CCR9: variants seen among roughly 807,000 people sequenced by gnomAD.
CCR9 encodes the protein C-C chemokine receptor type 9.
In CCR9, 4 loss-of-function variants were observed where a neutral mutation model predicts 8.7. The observed-to-expected ratio is 0.46, with a 90% CI of 0.23 to 1.06. CCR9 has a LOEUF of 1.06. Ranked by LOEUF, CCR9 falls within the 50% of genes least tolerant of loss-of-function variation. The pLI, the probability that CCR9 is intolerant of heterozygous loss-of-function variation, is 0.21. For missense variants in CCR9, 394 were observed against 453.6 expected (o/e 0.87, Z 1.19); for synonymous variants, 159 against 168.8 (o/e 0.94, Z 0.45).
At chr3:45,891,753 T>C (rs890499011) in intron 1 of CCR9, among the ~76,000 whole-genome samples, 2 of 152,222 alleles carry the variant, frequency 1.3e-5, no homozygotes, top group Admixed American at 6.5e-5. Flanking sequence ...TTGTCCTGTC[T>C]CTTTAGTCTC....
intron 1 of CCR9, among the ~76,000 whole-genome samples, chr3:45,892,107 C>T (rs1433052120): frequency 6.6e-6 from 1 of 152,088 alleles, no homozygotes; most frequent in Non-Finnish European, 1.5e-5. Flanking sequence ...GCACTAGGTG[C>T]TAATTATGCT....
chr3:45,886,888 T>C (rs1701997856), intron 1 of CCR9, among the ~76,000 whole-genome samples: 1 of 152,140 alleles, frequency 6.6e-6, no homozygotes, highest in African/African-American at 2.4e-5. Context: ...TACATGAAGC[T>C]TAGGCTTAAG....
chr3:45,889,686 AT>A lies in CCR9; in HGVS notation c.-29+3044del, dbSNP rs199554946. Among the ~76,000 whole-genome samples the A allele has an allele frequency of 3.1e-3, 439 of 142,126 alleles. 2 individuals are homozygous for A. Among genetic ancestry groups the A allele is most frequent in the African/African-American group, 6.4e-3 (249 of 38,936 alleles). The allele number at this position is 142,126 out of a possible 152,430, so 93.2% of individuals were successfully genotyped here. A position where few individuals can be genotyped will look rare whatever the true frequency, so the allele number is the denominator to read the frequency against. ...AGCAGTGCAGTGTATGTCTTTTTCT[AT>A]TTTTTTTTTTTTAAAGATCACACAA... On this transcript the variant is annotated intron_variant, in intron 1 of 2. Coordinates refer to ENST00000357632, the MANE Select transcript of CCR9 (RefSeq NM_031200.3).
In CCR9 at chr3:45,901,784, G is replaced by T. The variant is rs1413798666; in HGVS notation, c.996G>T (p.Leu332=). Reference sequence around the variant, plus strand: ...TCCGCCGGGATCTCGTGAAAACCCTGAAGAACTTGGGTTGCATCAGCCAGG... The same window carrying T: ...TCCGCCGGGATCTCGTGAAAACCCTTAAGAACTTGGGTTGCATCAGCCAGG... The part of the protein sequence containing the change: ...ERFRRDLVKT[L]KNLGCISQAQ... Residue 332 remains leucine (L), a synonymous_variant, in exon 3 of 3, where the codon CTG becomes CTT. Coordinates refer to ENST00000357632, the MANE Select transcript of CCR9 (RefSeq NM_031200.3). The surrounding 1 kb of genome is among the most constrained non-coding windows in gnomAD (Gnocchi z 4.3). The T allele has an allele frequency of 6.2e-7, 1 of 1,614,174 alleles. No homozygotes were observed.
chr3:45,903,125 C>T lies in CCR9; in HGVS notation c.*1227C>T, dbSNP rs1702609476. The T allele has an allele frequency of 6.0e-6, 1 of 167,018 alleles. No individual in the cohort carries two copies. The highest frequency in any genetic ancestry group is 2.4e-5 in the African/African-American group (1 of 41,412). 10.3% of individuals were successfully genotyped at this position (167,018 alleles called of 1,614,324 possible). ...CATTAATTACTTGTCACTTTCTTTA[C>T]CCTGTCTCAATATTTTAAGTGTGTG... On this transcript the variant is annotated 3_prime_UTR_variant, in exon 3 of 3. Coordinates refer to ENST00000357632, the MANE Select transcript of CCR9 (RefSeq NM_031200.3).
intron 1 of CCR9, among the ~76,000 whole-genome samples, chr3:45,894,429 G>C (rs1414790366): frequency 6.6e-6 from 1 of 152,184 alleles, no homozygotes; most frequent in African/African-American, 2.4e-5. Context: ...AGAGCCCAGG[G>C]CATTCTCAAA....
chr3:45,889,232 A>C (rs1302193329), intron 1 of CCR9, among the ~76,000 whole-genome samples: 1 of 151,864 alleles, frequency 6.6e-6, no homozygotes, highest in Admixed American at 6.6e-5. Context: ...TGATGCTCCC[A>C]CCTCAGCCTC....
intron 2 of CCR9, among the ~76,000 whole-genome samples, chr3:45,895,707 CTG>C (rs1702332431): frequency 6.7e-6 from 1 of 148,566 alleles, no homozygotes; most frequent in African/African-American, 2.5e-5. Context: ...GAGCGAGACT[CTG>C]TCTTAAAAAA....
chr3:45,899,279 T>C (rs572547358), intron 2 of CCR9, among the ~76,000 whole-genome samples: 10 of 152,328 alleles, frequency 6.6e-5, no homozygotes, highest in Admixed American at 3.3e-4. Flanking sequence ...TCTCAACTAT[T>C]TTAACCATTA....
chr3:45,897,989 A>AAAC lies in CCR9; in HGVS notation c.22-2819_22-2818insCAA, dbSNP rs1256441914. On this transcript the variant is annotated intron_variant, in intron 2 of 2. Coordinates refer to ENST00000357632, the MANE Select transcript of CCR9 (RefSeq NM_031200.3). ...AGCTATTTGACCAAAAAAAAAAAAAAAAAACACACAAAACACAAAACACCA... is the reference window on the plus strand; with the variant it reads ...AGCTATTTGACCAAAAAAAAAAAAAAAACAAAACACACAAAACACAAAACACCA... Among the ~76,000 whole-genome samples the AAAC allele has an allele frequency of 2.0e-4, 31 of 151,848 alleles. 1 individual carries two copies. The highest frequency in any genetic ancestry group is 1.3e-3 in the Admixed American group (20 of 15,228).
At chr3:45,896,030 C>T (rs1056323872) in intron 2 of CCR9, among the ~76,000 whole-genome samples, 1 of 152,146 alleles carries the variant, frequency 6.6e-6, no homozygotes, top group African/African-American at 2.4e-5. Context: ...TTATGATATG[C>T]TAATGATTCA....
At position 45,902,023 on chromosome 3, in the gene CCR9, A is replaced by G; in HGVS notation, c.*125A>G. 3.7e-6 allele frequency: 3 copies of G among 804,442 alleles called. No homozygotes were observed. Among genetic ancestry groups the G allele is most frequent in the Admixed American group, 3.0e-5 (1 of 33,038 alleles). 49.8% of individuals were successfully genotyped at this position (804,442 alleles called of 1,614,324 possible). A position where few individuals can be genotyped will look rare whatever the true frequency, so the allele number is the denominator to read the frequency against. On this transcript the variant is annotated 3_prime_UTR_variant, in exon 3 of 3. Coordinates refer to ENST00000357632, the MANE Select transcript of CCR9 (RefSeq NM_031200.3). The stretch of plus-strand genomic sequence containing the variant: ...ACTCAGAAAGGGATGAATCTGAACT[A>G]TATGATTACTTGTAGTCAGAATTTG...
At chr3:45,892,060 G>A (rs1702195169) in intron 1 of CCR9, among the ~76,000 whole-genome samples, 1 of 152,146 alleles carries the variant, frequency 6.6e-6, no homozygotes, top group African/African-American at 2.4e-5. Flanking sequence ...AGCCCTGGCT[G>A]TTTAGTGGAG....
At chr3:45,889,262 G>A (rs1407631635) in intron 1 of CCR9, among the ~76,000 whole-genome samples, 2 of 152,040 alleles carry the variant, frequency 1.3e-5, no homozygotes, top group Admixed American at 1.3e-4. Flanking sequence ...TGGAATTACA[G>A]GCATGAGCCA....
chr3:45,902,960 T>C lies in CCR9; in HGVS notation c.*1062T>C, dbSNP rs1307160161. On this transcript the variant is annotated 3_prime_UTR_variant, in exon 3 of 3. Transcript: ENST00000357632. Reference sequence around the variant, plus strand: ...TGGCAACATTTTAAAAGCTTTTAACTTAGAGATTAGGCTGAAAAAAATAAG... The same window carrying C: ...TGGCAACATTTTAAAAGCTTTTAACCTAGAGATTAGGCTGAAAAAAATAAG... 1 of 167,122 alleles carries C rather than the reference T, an allele frequency of 6.0e-6. No homozygotes were observed. The highest frequency in any genetic ancestry group is 1.5e-5 in the Non-Finnish European group (1 of 68,122). The allele number at this position is 167,122 out of a possible 1,614,324, so 10.4% of individuals were successfully genotyped here. A position where few individuals can be genotyped will look rare whatever the true frequency, so the allele number is the denominator to read the frequency against.
intron 1 of CCR9, among the ~76,000 whole-genome samples, chr3:45,890,334 T>A (rs1248701039): frequency 2.9e-5 from 2 of 70,070 alleles, no homozygotes; most frequent in African/African-American, 1.3e-4. Flanking sequence ...AATATATATA[T>A]AACATATATA....
intron 1 of CCR9, among the ~76,000 whole-genome samples, chr3:45,890,829 G>C (rs776344701): frequency 2.6e-5 from 4 of 152,210 alleles, no homozygotes; most frequent in Non-Finnish European, 5.9e-5. Context: ...AAATGAATTG[G>C]GGCACAGCCC....
At chr3:45,887,657 A>G (rs1223135036) in intron 1 of CCR9, among the ~76,000 whole-genome samples, 1 of 152,238 alleles carries the variant, frequency 6.6e-6, no homozygotes, top group Admixed American at 6.5e-5. Context: ...AAGCTAATTT[A>G]CTATTTCAGC....
At chr3:45,886,297 C>A (rs186522730), upstream of CCR9, among the ~76,000 whole-genome samples, 9 of 152,344 alleles carry the variant, frequency 5.9e-5, no homozygotes, top group Non-Finnish European at 7.4e-5. Context: ...CTGTAAGCAG[C>A]TGTGCTGTCT....
Sources: gnomAD v4.1 joint callset for allele counts (sites outside exome capture counted in the v4.1 genomes callset) on GRCh38, gnomAD v4.1.1 for gene constraint, Gnocchi (gnomAD v3.1) non-coding constraint, MANE v1.5 for transcripts, NCBI Gene and HGNC (gene_info 2026-07-23, HGNC 2026-07-21) for gene names.